The following ZBTB7C variants were observed in gnomAD, a reference collection of about 807,000 sequenced individuals.
The protein encoded by ZBTB7C is zinc finger and BTB domain containing 7C, also known as zinc finger and BTB domain-containing protein 7C.
ZBTB7C carries 8 observed loss-of-function variants against 25.7 expected under a neutral mutation model. The ratio of observed to expected loss-of-function variants is 0.31; its 90% CI spans 0.18 to 0.56. The LOEUF (loss-of-function observed/expected upper bound fraction) is 0.56, where lower values mean the gene tolerates loss of function less well. Ranked by LOEUF, ZBTB7C falls within the 20% of genes least tolerant of loss-of-function variation. The pLI is 0.91. For missense variants in ZBTB7C, 824 were observed against 855.2 expected, an observed-to-expected ratio of 0.96 and a Z score of 0.46; for synonymous variants, 394 against 369.0, an observed-to-expected ratio of 1.07 and a Z score of -0.78.
chr18:48,387,647 A>G (rs983781169), intron 1 of ZBTB7C, among the ~76,000 whole-genome samples: 6 of 152,216 alleles, frequency 3.9e-5, no homozygotes, highest in African/African-American at 1.4e-4. Flanking sequence ...GAGGAGGTGC[A>G]GCAAGAAGAG....
At chr18:48,309,523 C>T (rs376537195) in intron 2 of ZBTB7C, among the ~76,000 whole-genome samples, 2 of 152,150 alleles carry the variant, frequency 1.3e-5, no homozygotes, top group African/African-American at 2.4e-5. Context: ...CTGCTCTTGA[C>T]GAGGCTGTCA....
intron 2 of ZBTB7C, among the ~76,000 whole-genome samples, chr18:48,317,592 G>C (rs2045979833): frequency 6.6e-6 from 1 of 152,218 alleles, no homozygotes; most frequent in Non-Finnish European, 1.5e-5. Flanking sequence ...GTTTTTGGCT[G>C]ACTGGATAGG....
chr18:48,227,350 C>T lies in ZBTB7C; in HGVS notation c.-78-41355G>A, dbSNP rs149572798. On this transcript the variant is annotated intron_variant, in intron 2 of 4. Transcript: ENST00000590800. ...CAAAAGCCTCCTCCCATTGAATTCTCGCTCCATCCTTCTGGGCAGGTACAT... is the reference window on the plus strand; with the variant it reads ...CAAAAGCCTCCTCCCATTGAATTCTTGCTCCATCCTTCTGGGCAGGTACAT... Among the ~76,000 whole-genome samples, 127 of 152,372 alleles carry T rather than the reference C, an allele frequency of 8.3e-4. 1 individual carries two copies. Among genetic ancestry groups the T allele is most frequent in the African/African-American group, 2.8e-3 (117 of 41,598 alleles).
chr18:48,035,775 C>T (rs2035945270), intron 4 of ZBTB7C, among the ~76,000 whole-genome samples: 1 of 152,250 alleles, frequency 6.6e-6, no homozygotes, highest in South Asian at 2.1e-4. Context: ...TGGCCGAAGC[C>T]TGCCATCCTA....
At chr18:48,065,069 G>C (rs2144351266) in intron 3 of ZBTB7C, among the ~76,000 whole-genome samples, 1 of 152,274 alleles carries the variant, frequency 6.6e-6, no homozygotes, top group East Asian at 1.9e-4. Flanking sequence ...TAGGAAGCAG[G>C]ACTCTGCCTC....
At chr18:48,072,899 A>G (rs559957952) in intron 3 of ZBTB7C, among the ~76,000 whole-genome samples, 76 of 152,278 alleles carry the variant, frequency 5.0e-4, no homozygotes, top group African/African-American at 1.4e-3. Flanking sequence ...CGACAGAGCC[A>G]CTTCCCTTTT....
intron 3 of ZBTB7C, among the ~76,000 whole-genome samples, chr18:48,168,905 T>C (rs2041365526): frequency 6.6e-6 from 1 of 152,158 alleles, no homozygotes. Context: ...CTCTGGAAGA[T>C]TAGAAGCAGA....
chr18:48,207,257 A>G (rs117294925), intron 2 of ZBTB7C, among the ~76,000 whole-genome samples: 50 of 152,326 alleles, frequency 3.3e-4, no homozygotes, highest in Non-Finnish European at 6.9e-4. Flanking sequence ...GTTAAGCAAT[A>G]TCTCTTAGAG....
chr18:48,128,076 AGCTCCACAGGCCT>A (rs2039863617), intron 3 of ZBTB7C, among the ~76,000 whole-genome samples: 1 of 152,134 alleles, frequency 6.6e-6, no homozygotes, highest in South Asian at 2.1e-4. Context: ...TACCATGAAG[AGCTCCACAGGCCT>A]ACAGGAAATC....
chr18:48,270,189 A>G (rs1261056209), intron 2 of ZBTB7C, among the ~76,000 whole-genome samples: 5 of 151,588 alleles, frequency 3.3e-5, no homozygotes, highest in Admixed American at 6.6e-5. Flanking sequence ...TAAATATGAG[A>G]GTATACATCA....
At chr18:48,391,122 A>T (rs1044741787) in intron 1 of ZBTB7C, among the ~76,000 whole-genome samples, 3 of 152,200 alleles carry the variant, frequency 2.0e-5, no homozygotes, top group Non-Finnish European at 4.4e-5. Flanking sequence ...TCCTTCCAAC[A>T]CTGGTGCTCC....
intron 2 of ZBTB7C, among the ~76,000 whole-genome samples, chr18:48,286,046 A>AT (rs1236223302): frequency 6.6e-6 from 1 of 152,008 alleles, no homozygotes; most frequent in Non-Finnish European, 1.5e-5. Context: ...GACTACATTC[A>AT]TTTTTTCAGG....
At chr18:48,393,851 C>T (rs1214341822) in intron 1 of ZBTB7C, among the ~76,000 whole-genome samples, 2 of 152,180 alleles carry the variant, frequency 1.3e-5, no homozygotes, top group East Asian at 3.9e-4. Context: ...ACGAGACCCT[C>T]CCAGATAGCC....
At chr18:48,104,147 C>T (rs2038945641) in intron 3 of ZBTB7C, among the ~76,000 whole-genome samples, 1 of 152,122 alleles carries the variant, frequency 6.6e-6, no homozygotes, top group African/African-American at 2.4e-5. Flanking sequence ...ATATGACCTC[C>T]AATGTTAGAA....
chr18:48,371,784 G>A (rs556202890), intron 1 of ZBTB7C, among the ~76,000 whole-genome samples: 7 of 152,202 alleles, frequency 4.6e-5, no homozygotes, highest in Non-Finnish European at 7.3e-5. Flanking sequence ...AGGTGGTAGC[G>A]AAGATTAGGA....
At chr18:48,384,069 T>C (rs1021866866) in intron 1 of ZBTB7C, among the ~76,000 whole-genome samples, 4 of 152,152 alleles carry the variant, frequency 2.6e-5, no homozygotes, top group African/African-American at 9.7e-5. Context: ...GTGGAGCCAG[T>C]GGGAAGAAGT....
intron 1 of ZBTB7C, among the ~76,000 whole-genome samples, chr18:48,362,295 T>C (rs1392264389): frequency 2.0e-5 from 3 of 152,220 alleles, no homozygotes; most frequent in African/African-American, 7.2e-5. Context: ...ATGCTTCCCA[T>C]GGTCTGAACG....
chr18:48,384,884 C>T (rs1396382861), intron 1 of ZBTB7C, among the ~76,000 whole-genome samples: 2 of 151,968 alleles, frequency 1.3e-5, no homozygotes, highest in Non-Finnish European at 2.9e-5. Context: ...GCTTCACCAC[C>T]TTGGCCAGGC....
chr18:48,142,444 C>G (rs1327326633), intron 3 of ZBTB7C, among the ~76,000 whole-genome samples: 1 of 152,162 alleles, frequency 6.6e-6, no homozygotes, highest in Non-Finnish European at 1.5e-5. Context: ...GGGAAAGTAC[C>G]CTGCCAGGCT....
Sources: gnomAD v4.1 joint callset for allele counts (sites outside exome capture counted in the v4.1 genomes callset) on GRCh38, gnomAD v4.1.1 for gene constraint, MANE v1.5 for transcripts, NCBI Gene and HGNC (gene_info 2026-07-23, HGNC 2026-07-21) for gene names.